SEMA5A: variants seen among roughly 807,000 people sequenced by gnomAD.
SEMA5A encodes semaphorin 5A.
A neutral mutation model predicts 135.5 loss-of-function variants in SEMA5A; 55 were observed. The ratio of observed to expected loss-of-function variants is 0.41; its 90% CI spans 0.33 to 0.51. The LOEUF is 0.51. Among genes scored for constraint, SEMA5A ranks in the 20% least tolerant of loss-of-function variants. The pLI, the probability that SEMA5A is intolerant of heterozygous loss-of-function variation, is 0.37. For synonymous variants in SEMA5A, 580 were observed against 546.5 expected (o/e 1.06, Z -0.85); for missense variants, 1,290 against 1,419.9 (o/e 0.91, Z 1.47).
intron 1 of SEMA5A, among the ~76,000 whole-genome samples, chr5:9,506,849 G>A (rs761371377): frequency 2.0e-4 from 31 of 152,166 alleles, no homozygotes; most frequent in Non-Finnish European, 3.7e-4. Context: ...GCTATCCGAG[G>A]ATCACTGTGT....
At chr5:9,307,749 C>T (rs1447981840) in intron 5 of SEMA5A, among the ~76,000 whole-genome samples, 1 of 152,008 alleles carries the variant, frequency 6.6e-6, no homozygotes, top group African/African-American at 2.4e-5. Flanking sequence ...CTTATGGGGG[C>T]CATTTTTGAC....
chr5:9,299,005 T>C (rs1751473983), intron 5 of SEMA5A, among the ~76,000 whole-genome samples: 1 of 152,192 alleles, frequency 6.6e-6, no homozygotes, highest in South Asian at 2.1e-4. Context: ...AGTTAGTCAT[T>C]TGGACAGGCT....
intron 3 of SEMA5A, among the ~76,000 whole-genome samples, chr5:9,347,250 A>G (rs1174083377): frequency 1.3e-5 from 2 of 152,218 alleles, no homozygotes; most frequent in Non-Finnish European, 2.9e-5. Flanking sequence ...AGTCTGTTGA[A>G]AGTGAGTCAA....
In SEMA5A at chr5:9,394,557, T is replaced by A. The variant is rs375996492; in HGVS notation, c.-77-14534A>T. On this transcript the variant is annotated intron_variant, in intron 2 of 22. Transcript: ENST00000382496. ...TAGAAAGTACCTAATATTTATGGAA[T>A]GAACATAACAACCAACCGAGCAATA... is the stretch of plus-strand genomic sequence containing the variant. Among the ~76,000 whole-genome samples, 35 of 152,196 alleles carry A rather than the reference T, an allele frequency of 2.3e-4. No homozygotes were observed. The South Asian group carries it at 6.9e-3, about 30-fold the overall frequency.
At chr5:9,534,173 G>A (rs1737615642) in intron 1 of SEMA5A, among the ~76,000 whole-genome samples, 1 of 152,086 alleles carries the variant, frequency 6.6e-6, no homozygotes, top group Non-Finnish European at 1.5e-5. Flanking sequence ...AAGGCCACTG[G>A]GCCCTGAGGG....
chr5:9,091,555 A>C (rs1739035730), intron 16 of SEMA5A, among the ~76,000 whole-genome samples: 1 of 152,216 alleles, frequency 6.6e-6, no homozygotes, highest in Admixed American at 6.5e-5. Context: ...GGTTTACAAA[A>C]TTCAGCATAA....
chr5:9,444,746 G>C (rs1460280065), intron 1 of SEMA5A, among the ~76,000 whole-genome samples: 1 of 152,180 alleles, frequency 6.6e-6, no homozygotes, highest in Non-Finnish European at 1.5e-5. Context: ...ATTTGACATT[G>C]TGATGTCTAA....
chr5:9,380,988 C>T (rs771874593), intron 2 of SEMA5A, among the ~76,000 whole-genome samples: 3 of 151,928 alleles, frequency 2.0e-5, no homozygotes, highest in Admixed American at 6.6e-5. Flanking sequence ...GGAAGAGGTA[C>T]GCAACATGTT....
chr5:9,520,634 C>T (rs997449692), intron 1 of SEMA5A, among the ~76,000 whole-genome samples: 1 of 152,176 alleles, frequency 6.6e-6, no homozygotes, highest in Non-Finnish European at 1.5e-5. Flanking sequence ...AAGTCAGTGG[C>T]ATCACTGGTA....
intron 6 of SEMA5A, among the ~76,000 whole-genome samples, chr5:9,230,214 G>T (rs1747554509): frequency 7.3e-6 from 1 of 137,454 alleles, no homozygotes; most frequent in African/African-American, 2.8e-5. Context: ...TGCCCAGGCT[G>T]GTCTCGAATT....
chr5:9,332,882 T>C (rs1419997511), intron 4 of SEMA5A, among the ~76,000 whole-genome samples: 4 of 152,250 alleles, frequency 2.6e-5, no homozygotes, highest in African/African-American at 9.6e-5. Context: ...GATCCAAGTA[T>C]TGGGTCTGTG....
At chr5:9,373,841 C>A (rs1057089735) in intron 3 of SEMA5A, among the ~76,000 whole-genome samples, 1 of 152,348 alleles carries the variant, frequency 6.6e-6, no homozygotes, top group Admixed American at 6.5e-5. Context: ...TCCCACAAAC[C>A]AATTCCTATA....
intron 1 of SEMA5A, among the ~76,000 whole-genome samples, chr5:9,465,739 C>G (rs1053227826): frequency 1.3e-5 from 2 of 152,220 alleles, no homozygotes; most frequent in Non-Finnish European, 2.9e-5. Flanking sequence ...TGGAACCAAT[C>G]CCCCATGGAT....
intron 2 of SEMA5A, among the ~76,000 whole-genome samples, chr5:9,381,969 T>TGTGTGTGTGTGC (rs1755632959): frequency 7.7e-6 from 1 of 130,280 alleles, no homozygotes; most frequent in Admixed American, 7.4e-5. Context: ...TGTGTGTGTG[T>TGTGTGTGTGTGC]GTGTGTGTGT....
At chr5:9,449,623 T>G (rs1296703998) in intron 1 of SEMA5A, among the ~76,000 whole-genome samples, 2 of 152,008 alleles carry the variant, frequency 1.3e-5, no homozygotes, top group East Asian at 3.9e-4. Flanking sequence ...ACATTTCTCA[T>G]TTTTATCTCA....
At chr5:9,104,780 C>A (rs1739816002) in intron 16 of SEMA5A, among the ~76,000 whole-genome samples, 2 of 152,210 alleles carry the variant, frequency 1.3e-5, no homozygotes, top group African/African-American at 4.8e-5. Context: ...GGCTGACATG[C>A]AGACCTGGAG....
chr5:9,070,365 C>T (rs1737709945), intron 16 of SEMA5A, among the ~76,000 whole-genome samples: 1 of 152,030 alleles, frequency 6.6e-6, no homozygotes, highest in Non-Finnish European at 1.5e-5. Context: ...AGTGAGACTC[C>T]ATCTCAAAAA....
intron 1 of SEMA5A, among the ~76,000 whole-genome samples, 167 bp from the exon 2 acceptor site, chr5:9,438,019 T>C (rs1304714647): frequency 6.6e-6 from 1 of 152,200 alleles, no homozygotes; most frequent in Admixed American, 6.5e-5. Context: ...ATCACAATCA[T>C]GCTACCCTAG....
intron 8 of SEMA5A, among the ~76,000 whole-genome samples, chr5:9,219,425 A>G (rs1746809236): frequency 6.6e-6 from 1 of 152,094 alleles, no homozygotes; most frequent in African/African-American, 2.4e-5. Flanking sequence ...TGTCTCCCAA[A>G]ACTTATGTTA....
Sources: allele counts gnomAD v4.1 joint callset (sites outside exome capture counted in the v4.1 genomes callset), GRCh38; gene constraint gnomAD v4.1.1; transcripts MANE v1.5; gene names NCBI Gene and HGNC (gene_info 2026-07-23, HGNC 2026-07-21).